SLC25A16: variants seen among roughly 807,000 people sequenced by gnomAD.
SLC25A16 encodes the protein mitochondrial coenzyme A transporter SLC25A16.
Under a neutral mutation model 41.5 loss-of-function variants are expected in SLC25A16, and 39 were observed. The ratio of observed to expected loss-of-function variants is 0.94; its 90% CI spans 0.73 to 1.23. The LOEUF is 1.23. Ranked by LOEUF, SLC25A16 falls within the 50% of genes most tolerant of loss-of-function variation. SLC25A16 has a pLI of 0.00. For missense variants in SLC25A16, 421 were observed against 426.9 expected, an observed-to-expected ratio of 0.99 and a Z score of 0.12; for synonymous variants, 146 against 147.8, an observed-to-expected ratio of 0.99 and a Z score of 0.09.
At chr10:68,516,981 GC>G in intron 1 of SLC25A16, 138 bp from the exon 2 acceptor site, 1 of 979,362 alleles carries the variant, frequency 1.0e-6, no homozygotes, top group Non-Finnish European at 1.4e-6. Context: ...GTATAGATAT[GC>G]AGATGACTGG....
Position 68,516,767 on chromosome 10 carries a change from G to C in SLC25A16, c.207C>G (p.His69Gln), listed in dbSNP as rs754044084. 1.2e-6 allele frequency: 2 copies of C among 1,606,648 alleles called. No individual in the cohort carries two copies. Among genetic ancestry groups the C allele is most frequent in the South Asian group, 2.2e-5 (2 of 90,416 alleles). ...RVKVLLQAHN[H>Q]HYKHLGVFSA... The stretch of plus-strand genomic sequence containing the variant: ...TTAACTCACCTAAATGCTTGTAATG[G>C]TGATTGTGAGCTTGTAATAAAACCT... The change falls in exon 2 of 9, where the codon CAC becomes CAG. Residue 69 changes from histidine (H) to glutamine (Q), a missense_variant. Coordinates refer to ENST00000609923, the MANE Select transcript of SLC25A16 (RefSeq NM_152707.4).
chr10:68,516,688 CCT>C, intron 2 of SLC25A16, 61 bp downstream of exon 2: 1 of 1,197,770 alleles, frequency 8.3e-7, no homozygotes, highest in Non-Finnish European at 1.2e-6. Flanking sequence ...ACTTAAATTC[CCT>C]TTTTTGCCCA....
At chr10:68,484,422 ATCTT>A (rs2133478966) in intron 8 of SLC25A16, among the ~76,000 whole-genome samples, 1 of 142,644 alleles carries the variant, frequency 7.0e-6, no homozygotes, top group Admixed American at 7.2e-5. Flanking sequence ...CTTTTCAAAA[ATCTT>A]TTTTTTTTTT....
intron 6 of SLC25A16, among the ~76,000 whole-genome samples, chr10:68,491,890 G>A (rs2052665003): frequency 6.6e-6 from 1 of 152,004 alleles, no homozygotes; most frequent in East Asian, 1.9e-4. Flanking sequence ...GTGCAGTGGC[G>A]TGATCTCGGC....
Position 68,515,132 on chromosome 10 carries a change from A to G in SLC25A16, c.223+1619T>C, listed in dbSNP as rs1229306720. ...AGCACTTTGGGAGGCCGAGGCAGGC[A>G]GATCACCTGAGGTCGGGAGTTCGAG... On this transcript the variant is annotated intron_variant, in intron 2 of 8. Transcript: ENST00000609923. Among the ~76,000 whole-genome samples, 5 of 148,164 alleles carry G rather than the reference A, an allele frequency of 3.4e-5. No individual in the cohort carries two copies. In the East Asian group the frequency reaches 6.4e-4, roughly 19 times the overall value.
At chr10:68,487,381 A>G (rs35699703) in intron 7 of SLC25A16, among the ~76,000 whole-genome samples, 169 bp from the exon 8 acceptor site, 15,746 of 152,198 alleles carry the variant, frequency 0.1, 1,556 homozygotes, top group African/African-American at 0.26. Context: ...TTAACAATAC[A>G]GAAGTCTTTG....
intron 1 of SLC25A16, among the ~76,000 whole-genome samples, chr10:68,522,590 C>A (rs554932269): frequency 6.6e-6 from 1 of 151,918 alleles, no homozygotes; most frequent in South Asian, 2.1e-4. Context: ...CCGAGGCAGG[C>A]GGATCACGAG....
At chr10:68,498,080 A>G (rs2052780481) in intron 4 of SLC25A16, among the ~76,000 whole-genome samples, 1 of 152,116 alleles carries the variant, frequency 6.6e-6, no homozygotes, top group Non-Finnish European at 1.5e-5. Flanking sequence ...TGATACCTGT[A>G]CAACGTAAGT....
chr10:68,493,127 C>T lies in SLC25A16; in HGVS notation c.610+5G>A, dbSNP rs377452106. 3.3e-6 allele frequency: 5 copies of T among 1,537,412 alleles called. No individual in the cohort carries two copies. Among genetic ancestry groups the T allele is most frequent in the Non-Finnish European group, 4.4e-6 (5 of 1,135,996 alleles). On this transcript the variant is annotated splice_donor_5th_base_variant and intron_variant, in intron 6 of 8. Transcript: ENST00000609923. ...TATTAGGATTCTGGCAAATTTGAAA[C>T]ATACCTGCATATGGAGCCATTCCTA... is the stretch of plus-strand genomic sequence containing the variant.
At chr10:68,526,474 G>A (rs1018703647) in intron 1 of SLC25A16, among the ~76,000 whole-genome samples, 59 of 152,168 alleles carry the variant, frequency 3.9e-4, no homozygotes, top group Non-Finnish European at 7.6e-4. Flanking sequence ...AAATACTAAG[G>A]GAACTCAGAG....
intron 2 of SLC25A16, among the ~76,000 whole-genome samples, chr10:68,516,259 G>A (rs1333273473): frequency 6.6e-6 from 1 of 152,106 alleles, no homozygotes; most frequent in Non-Finnish European, 1.5e-5. Flanking sequence ...CCCTACTGCT[G>A]TGTCCAGTTT....
rs1177980869 is a variant in SLC25A16, at chr10:68,497,634, C to T, written c.422-4064G>A. On this transcript the variant is annotated intron_variant, in intron 4 of 8. Coordinates refer to ENST00000609923, the MANE Select transcript of SLC25A16 (RefSeq NM_152707.4). ...TTTTTTTTTTTAATTTTTTTTTTTC[C>T]AAGATGGAGTCTTGTTCTGTTACCC... 6.4e-5 allele frequency among the ~76,000 whole-genome samples: 9 copies of T among 141,306 alleles called. No homozygotes were observed. In the East Asian group the frequency reaches 1.2e-3, roughly 19 times the overall value. 92.7% of individuals were successfully genotyped at this position (141,306 alleles called of 152,430 possible). A position where few individuals can be genotyped will look rare whatever the true frequency, so the allele number is the denominator to read the frequency against.
At chr10:68,497,722 T>C (rs530724220) in intron 4 of SLC25A16, among the ~76,000 whole-genome samples, 39 of 151,744 alleles carry the variant, frequency 2.6e-4, no homozygotes, top group African/African-American at 8.0e-4. Flanking sequence ...GTTCAAGCAA[T>C]TCTCCTGCCT....
intron 2 of SLC25A16, among the ~76,000 whole-genome samples, chr10:68,507,920 T>G (rs2052985097): frequency 6.6e-6 from 1 of 152,154 alleles, no homozygotes; most frequent in Non-Finnish European, 1.5e-5. Context: ...GATATCGAAA[T>G]GGACTAACAT....
chr10:68,489,896 T>A (rs2133500064), intron 6 of SLC25A16, among the ~76,000 whole-genome samples: 1 of 123,440 alleles, frequency 8.1e-6, no homozygotes, highest in African/African-American at 3.3e-5. Flanking sequence ...CGAGACTCTG[T>A]CTCAAAAAAA....
chr10:68,486,405 ATT>A (rs889870255), intron 8 of SLC25A16, among the ~76,000 whole-genome samples: 28 of 150,560 alleles, frequency 1.9e-4, no homozygotes, highest in Non-Finnish European at 3.4e-4. Context: ...TAAATTTAAT[ATT>A]TTCTTTGTTT....
intron 2 of SLC25A16, among the ~76,000 whole-genome samples, chr10:68,510,574 C>T (rs943179014): frequency 1.3e-5 from 2 of 151,980 alleles, no homozygotes; most frequent in Non-Finnish European, 2.9e-5. Flanking sequence ...GGCGCGGTGG[C>T]TTACGCCTAT....
rs1288184454 is a variant in SLC25A16 at position 68,483,081 on chromosome 10, T to C, written c.*351A>G. ...ATAATAATAAACACTGTCAGTCTTT[T>C]AAAAACCATGATAACAATTAAAAAC... On this transcript the variant is annotated 3_prime_UTR_variant, in exon 9 of 9. Transcript: ENST00000609923. 6.2e-6 allele frequency: 1 copy of C among 161,114 alleles called. No homozygotes were observed. The highest frequency in any genetic ancestry group is 1.3e-5 in the Non-Finnish European group (1 of 74,198). 10.0% of individuals were successfully genotyped at this position (161,114 alleles called of 1,614,324 possible). A position where few individuals can be genotyped will look rare whatever the true frequency, so the allele number is the denominator to read the frequency against.
At chr10:68,501,022 T>A (rs1170206412) in intron 4 of SLC25A16, among the ~76,000 whole-genome samples, 2 of 150,180 alleles carry the variant, frequency 1.3e-5, no homozygotes, top group Non-Finnish European at 3.0e-5. Context: ...AGGGCCGAGG[T>A]GGGCGAATCA....
Sources: gnomAD v4.1 joint callset for allele counts (sites outside exome capture counted in the v4.1 genomes callset) on GRCh38, gnomAD v4.1.1 for gene constraint, MANE v1.5 for transcripts, NCBI Gene and HGNC (gene_info 2026-07-23, HGNC 2026-07-21) for gene names.